DAPP1: variants seen among roughly 807,000 people sequenced by gnomAD.
DAPP1 encodes the protein dual adapter for phosphotyrosine and 3-phosphotyrosine and 3-phosphoinositide.
In DAPP1, 20 loss-of-function variants were observed where a neutral mutation model predicts 41.5. The observed-to-expected ratio is 0.48, with a 90% CI of 0.34 to 0.70. The LOEUF is 0.70. DAPP1 is among the 30% of genes least tolerant of loss of function. DAPP1 has a pLI of 0.01. For missense variants in DAPP1, 233 were observed against 333.4 expected (o/e 0.70, Z 2.35); for synonymous variants, 113 against 116.2 (o/e 0.97, Z 0.18).
rs1414250069 is a variant in DAPP1, at chr4:99,869,790, C to T, written c.*1605C>T. 1 of 152,058 alleles carries T rather than the reference C, an allele frequency of 6.6e-6. No homozygotes were observed. The highest frequency in any genetic ancestry group is 2.1e-4 in the South Asian group (1 of 4,828). The allele number at this position is 152,058 out of a possible 1,614,324, so 9.4% of individuals were successfully genotyped here. A position where few individuals can be genotyped will look rare whatever the true frequency, so the allele number is the denominator to read the frequency against. ...ACTAAAAATACAAAAATTAGCTGGG[C>T]ATGGTGGCAGGCGCCTGTAATCCCA... On this transcript the variant is annotated 3_prime_UTR_variant, in exon 9 of 9. Coordinates refer to ENST00000512369, the MANE Select transcript of DAPP1 (RefSeq NM_014395.3).
chr4:99,818,857 C>T (rs1240077049), intron 1 of DAPP1, among the ~76,000 whole-genome samples: 3 of 152,110 alleles, frequency 2.0e-5, no homozygotes, highest in Non-Finnish European at 2.9e-5. Context: ...ATCTTGACAC[C>T]CAAACCACAG....
At chr4:99,831,047 CCT>C (rs1723103727) in intron 1 of DAPP1, among the ~76,000 whole-genome samples, 1 of 152,098 alleles carries the variant, frequency 6.6e-6, no homozygotes, top group Non-Finnish European at 1.5e-5. Flanking sequence ...AATTCTGGTT[CCT>C]TCTACAAAGA....
At chr4:99,846,352 G>A (rs905249271) in intron 3 of DAPP1, among the ~76,000 whole-genome samples, 1 of 152,068 alleles carries the variant, frequency 6.6e-6, no homozygotes, top group Non-Finnish European at 1.5e-5. Flanking sequence ...GCCATTTGCC[G>A]GCTCTGTGTG....
intron 8 of DAPP1, chr4:99,866,582 T>C (rs1462298710): frequency 1.3e-6 from 1 of 766,320 alleles, no homozygotes; most frequent in East Asian, 2.4e-5. Flanking sequence ...TGATTTATTT[T>C]GTCTGCTCTC....
At chr4:99,837,849 GA>G (rs1424486566) in intron 2 of DAPP1, among the ~76,000 whole-genome samples, 1 of 152,000 alleles carries the variant, frequency 6.6e-6, no homozygotes, top group Non-Finnish European at 1.5e-5. Flanking sequence ...CCTGCTACTA[GA>G]TGGTCCCATC....
At chr4:99,817,226 A>T (rs1395529244) in intron 1 of DAPP1, among the ~76,000 whole-genome samples, 1 of 152,144 alleles carries the variant, frequency 6.6e-6, no homozygotes, top group African/African-American at 2.4e-5. Context: ...ATTTTTCTAG[A>T]TGTGAAAACA....
chr4:99,823,693 T>C (rs1004626630), intron 1 of DAPP1, among the ~76,000 whole-genome samples: 2 of 152,194 alleles, frequency 1.3e-5, no homozygotes, highest in Non-Finnish European at 2.9e-5. Flanking sequence ...CATAGGAATG[T>C]GGAATTACAT....
chr4:99,847,554 A>G (rs1336982652), intron 3 of DAPP1, among the ~76,000 whole-genome samples: 1 of 152,184 alleles, frequency 6.6e-6, no homozygotes, highest in African/African-American at 2.4e-5. Context: ...AGTCACCTTT[A>G]CGTAGTTCAG....
chr4:99,839,622 A>T (rs1335166601), intron 2 of DAPP1, among the ~76,000 whole-genome samples: 1 of 152,022 alleles, frequency 6.6e-6, no homozygotes, highest in African/African-American at 2.4e-5. Flanking sequence ...GGCAGAGGAG[A>T]GTGTGGTGAG....
chr4:99,860,112 C>T (rs1220027410), intron 4 of DAPP1, among the ~76,000 whole-genome samples: 1 of 152,216 alleles, frequency 6.6e-6, no homozygotes, highest in Non-Finnish European at 1.5e-5. Flanking sequence ...AACAGCTTTT[C>T]TGTTACAGTT....
chr4:99,833,048 T>A (rs1723178344), intron 1 of DAPP1, among the ~76,000 whole-genome samples: 1 of 152,258 alleles, frequency 6.6e-6, no homozygotes, highest in South Asian at 2.1e-4. Context: ...TGGCTCGAAC[T>A]GAAACTTATG....
intron 7 of DAPP1, chr4:99,864,072 G>A (rs1204000907): frequency 1.3e-5 from 5 of 397,024 alleles, no homozygotes; most frequent in Admixed American, 4.6e-5. Flanking sequence ...TTGCGTACTG[G>A]AGAAGTATGA....
chr4:99,833,546 G>T (rs1025404797), intron 1 of DAPP1, among the ~76,000 whole-genome samples: 2 of 152,242 alleles, frequency 1.3e-5, no homozygotes, highest in African/African-American at 4.8e-5. Flanking sequence ...TATCAGTGTG[G>T]TTCATGACAA....
intron 3 of DAPP1, among the ~76,000 whole-genome samples, chr4:99,850,091 G>A (rs956357435): frequency 1.3e-5 from 2 of 152,186 alleles, no homozygotes; most frequent in African/African-American, 4.8e-5. Context: ...AAGCTGTTAT[G>A]TTTGTGGCAA....
intron 8 of DAPP1, chr4:99,866,723 C>T: frequency 1.7e-6 from 1 of 593,960 alleles, no homozygotes; most frequent in Non-Finnish European, 3.0e-6. Context: ...CTAAAATTTC[C>T]TATAAATACC....
downstream of DAPP1, among the ~76,000 whole-genome samples, chr4:99,871,049 A>G (rs184676209): frequency 6.6e-6 from 1 of 152,320 alleles, no homozygotes; most frequent in East Asian, 1.9e-4. Flanking sequence ...CCTGGACATC[A>G]GAGAACTCGG....
At chr4:99,866,475 G>T in intron 8 of DAPP1, 1 of 752,550 alleles carries the variant, frequency 1.3e-6, no homozygotes, top group Non-Finnish European at 2.4e-6. Context: ...TTCTCTAGTT[G>T]AAAAGCCTTT....
At chr4:99,859,529 T>A (rs939555954) in intron 4 of DAPP1, among the ~76,000 whole-genome samples, 18 of 152,196 alleles carry the variant, frequency 1.2e-4, no homozygotes, top group African/African-American at 4.1e-4. Flanking sequence ...TTCACAACAA[T>A]GCTTCCAATA....
At chr4:99,840,264 T>C in intron 2 of DAPP1, 25 bp from the exon 3 acceptor site, 2 of 1,422,362 alleles carry the variant, frequency 1.4e-6, no homozygotes, top group Non-Finnish European at 1.9e-6. Context: ...TTAAATAATA[T>C]TAAATACTTC....
Sources: allele counts gnomAD v4.1 joint callset (sites outside exome capture counted in the v4.1 genomes callset), GRCh38; gene constraint gnomAD v4.1.1; transcripts MANE v1.5; gene names NCBI Gene and HGNC (gene_info 2026-07-23, HGNC 2026-07-21).